The following TBC1D22A variants were observed in gnomAD, a reference collection of about 807,000 sequenced individuals.
TBC1D22A encodes TBC1 domain family member 22A.
A neutral mutation model predicts 60.2 loss-of-function variants in TBC1D22A; 38 were observed. The ratio of observed to expected loss-of-function variants is 0.63; its 90% CI spans 0.49 to 0.83. The LOEUF is 0.83. Ranked by LOEUF, TBC1D22A falls within the 40% of genes least tolerant of loss-of-function variation. The pLI is 0.00. For missense variants in TBC1D22A, 628 were observed against 701.0 expected, an observed-to-expected ratio of 0.90 and a Z score of 1.18; for synonymous variants, 302 against 281.7, an observed-to-expected ratio of 1.07 and a Z score of -0.72.
At chr22:46,834,757 CTG>C (rs1391238500) in intron 4 of TBC1D22A, among the ~76,000 whole-genome samples, 1 of 152,232 alleles carries the variant, frequency 6.6e-6, no homozygotes, top group African/African-American at 2.4e-5. Flanking sequence ...TTCATAGGAT[CTG>C]TTTGCTGCAG....
intron 8 of TBC1D22A, among the ~76,000 whole-genome samples, chr22:46,927,507 A>C (rs1368468351): frequency 6.6e-6 from 1 of 152,252 alleles, no homozygotes; most frequent in Non-Finnish European, 1.5e-5. Flanking sequence ...TTAGTTGAAA[A>C]GACAAAGTTT....
rs549703774 is a variant in TBC1D22A, at chr22:46,923,620, C to T, written c.1015+11432C>T. Among the ~76,000 whole-genome samples, 5 of 152,334 alleles carry T rather than the reference C, an allele frequency of 3.3e-5. No individual in the cohort carries two copies. In the South Asian group the frequency reaches 6.2e-4, roughly 19 times the overall value. On this transcript the variant is annotated intron_variant, in intron 8 of 12. Coordinates refer to ENST00000337137, the MANE Select transcript of TBC1D22A (RefSeq NM_014346.5). ...GGGTGCGGGGCACTTGCCCGCTCAG[C>T]GCTCACTCAGGGGTTACTGTCCTGT...
At chr22:47,045,619 GTT>G (rs1158315074) in intron 11 of TBC1D22A, among the ~76,000 whole-genome samples, 2 of 152,164 alleles carry the variant, frequency 1.3e-5, no homozygotes, top group African/African-American at 4.8e-5. Context: ...GCGGGTTAGC[GTT>G]TTGATGACTC....
At chr22:46,943,179 G>C (rs370306751) in intron 8 of TBC1D22A, among the ~76,000 whole-genome samples, 1 of 151,972 alleles carries the variant, frequency 6.6e-6, no homozygotes, top group Non-Finnish European at 1.5e-5. Flanking sequence ...GGAGCTGCCC[G>C]CCTCACTTTT....
At chr22:46,993,330 A>G (rs1232968642) in intron 9 of TBC1D22A, among the ~76,000 whole-genome samples, 4 of 152,202 alleles carry the variant, frequency 2.6e-5, no homozygotes, top group Non-Finnish European at 5.9e-5. Context: ...TCTGTGAAAC[A>G]TTTCACAACA....
At chr22:46,876,091 G>T (rs780566642) in intron 4 of TBC1D22A, among the ~76,000 whole-genome samples, 1 of 152,170 alleles carries the variant, frequency 6.6e-6, no homozygotes, top group Admixed American at 6.5e-5. Flanking sequence ...AGATTAAAGT[G>T]GCGACGTCAC....
chr22:47,013,474 A>C lies in TBC1D22A; in HGVS notation c.1201+15765A>C. ...AGAAAGAGCTGTCGTGGTTTCGAAT[A>C]TAGGCCGTCAGACTGGTTTTGAAGT... On this transcript the variant is annotated intron_variant, in intron 10 of 12. Coordinates refer to ENST00000337137, the MANE Select transcript of TBC1D22A (RefSeq NM_014346.5). Among the ~76,000 whole-genome samples, 2 of 152,206 alleles carry C rather than the reference A, an allele frequency of 1.3e-5. 1 individual carries two copies. The highest frequency in any genetic ancestry group is 2.9e-5 in the Non-Finnish European group (2 of 68,034).
intron 10 of TBC1D22A, among the ~76,000 whole-genome samples, chr22:47,016,998 G>A (rs947806305): frequency 2.0e-5 from 3 of 152,240 alleles, no homozygotes; most frequent in Admixed American, 6.5e-5. Context: ...GATGGTCGCC[G>A]ATGGCGGCTT....
intron 8 of TBC1D22A, among the ~76,000 whole-genome samples, chr22:46,941,834 A>ATGTATAGAATATATGTATAGAATATGT (rs370457997): frequency 8.2e-6 from 1 of 121,800 alleles, no homozygotes; most frequent in African/African-American, 3.6e-5. Context: ...TATATAGAAT[A>ATGTATAGAATATATGTATAGAATATGT]ATAGAATATA....
Position 46,783,140 on chromosome 22 carries a change from T to C in TBC1D22A, c.63-9380T>C, listed in dbSNP as rs1376999800. 2.0e-5 allele frequency among the ~76,000 whole-genome samples: 3 copies of C among 152,230 alleles called. No homozygotes were observed. In the East Asian group the frequency reaches 5.8e-4, roughly 29 times the overall value. On this transcript the variant is annotated intron_variant, in intron 1 of 12. Transcript: ENST00000337137. ...TTAGCGTCTTTTTCATTTCTGCCATTCTGCTGGGTGTGAAGTGGTATCCGA... is the reference window on the plus strand; with the variant it reads ...TTAGCGTCTTTTTCATTTCTGCCATCCTGCTGGGTGTGAAGTGGTATCCGA...
intron 8 of TBC1D22A, among the ~76,000 whole-genome samples, chr22:46,940,710 A>G (rs889484182): frequency 2.1e-5 from 3 of 143,878 alleles, no homozygotes; most frequent in South Asian, 2.3e-4. Context: ...GTGTGTATGT[A>G]TATACACACA....
At chr22:47,067,235 C>T (rs1019062368) in intron 11 of TBC1D22A, among the ~76,000 whole-genome samples, 2 of 152,204 alleles carry the variant, frequency 1.3e-5, no homozygotes, top group African/African-American at 4.8e-5. Context: ...CACTGCACTC[C>T]AGCCTGGGCA....
intron 1 of TBC1D22A, among the ~76,000 whole-genome samples, chr22:46,768,484 C>CAAAAAAAA (rs3083471): frequency 5.0e-5 from 4 of 80,358 alleles, no homozygotes; most frequent in African/African-American, 2.0e-4. Flanking sequence ...GACTCTGTCT[C>CAAAAAAAA]AAAAAAAAAA....
intron 5 of TBC1D22A, among the ~76,000 whole-genome samples, chr22:46,888,826 C>G (rs543216632): frequency 6.6e-6 from 1 of 152,334 alleles, no homozygotes; most frequent in Admixed American, 6.5e-5. Context: ...CTGCCTCAGC[C>G]TCCTGAGTAG....
At chr22:46,964,163 T>C (rs1455918750) in intron 8 of TBC1D22A, among the ~76,000 whole-genome samples, 1 of 152,246 alleles carries the variant, frequency 6.6e-6, no homozygotes, top group African/African-American at 2.4e-5. Context: ...CTGCTCTGTG[T>C]AGGAAGGCTG....
chr22:47,090,526 G>T lies in TBC1D22A; in HGVS notation c.1330-20982G>T, dbSNP rs550574360. Reference sequence around the variant, plus strand: ...TGTCCTGTTTAGAAAATGAGCACCTGTGTCCCCTCCAGGTGGATGCTGGGC... The same window carrying T: ...TGTCCTGTTTAGAAAATGAGCACCTTTGTCCCCTCCAGGTGGATGCTGGGC... On this transcript the variant is annotated intron_variant, in intron 11 of 12. Transcript: ENST00000337137. 2.0e-3 allele frequency among the ~76,000 whole-genome samples: 309 copies of T among 152,340 alleles called. 2 individuals are homozygous for T. The highest frequency in any genetic ancestry group is 0.016 in the South Asian group (78 of 4,828).
At chr22:46,966,402 C>A (rs1337552756) in intron 8 of TBC1D22A, among the ~76,000 whole-genome samples, 2 of 152,160 alleles carry the variant, frequency 1.3e-5, no homozygotes, top group Non-Finnish European at 2.9e-5. Context: ...ATGGGCACGG[C>A]CTCTCTTCCA....
At chr22:47,106,816 C>T (rs547868575) in intron 11 of TBC1D22A, among the ~76,000 whole-genome samples, 19 of 152,234 alleles carry the variant, frequency 1.2e-4, no homozygotes, top group African/African-American at 3.6e-4. Flanking sequence ...GTTAAGAGAT[C>T]GAGACCATCC....
chr22:46,934,408 C>T lies in TBC1D22A; in HGVS notation c.1015+22220C>T, dbSNP rs568847794. On this transcript the variant is annotated intron_variant, in intron 8 of 12. Coordinates refer to ENST00000337137, the MANE Select transcript of TBC1D22A (RefSeq NM_014346.5). ...GCACCCTTTCTCAGTGCCGTAAACT[C>T]GGGCCAGTGGGAGTAGTGAGTATCT... Among the ~76,000 whole-genome samples, 42 of 152,284 alleles carry T rather than the reference C, an allele frequency of 2.8e-4. 1 individual carries two copies. The South Asian group carries it at 7.5e-3, about 27-fold the overall frequency.
Sources: allele counts gnomAD v4.1 joint callset (sites outside exome capture counted in the v4.1 genomes callset), GRCh38; gene constraint gnomAD v4.1.1; transcripts MANE v1.5; gene names NCBI Gene and HGNC (gene_info 2026-07-23, HGNC 2026-07-21).